Variants in ROR2 observed in about 807,000 individuals in gnomAD.
ROR2 encodes the protein tyrosine-protein kinase transmembrane receptor ROR2.
A neutral mutation model predicts 74.9 loss-of-function variants in ROR2; 33 were observed. The observed-to-expected ratio is 0.44, with a 90% confidence interval of 0.33 to 0.59. The LOEUF is 0.59. Ranked by LOEUF, ROR2 falls within the 20% of genes least tolerant of loss-of-function variation. The pLI is 0.02. For missense variants in ROR2, 1,216 were observed against 1,313.8 expected, an observed-to-expected ratio of 0.93 and a Z score of 1.15; for synonymous variants, 586 against 558.7, an observed-to-expected ratio of 1.05 and a Z score of -0.69.
intron 2 of ROR2, among the ~76,000 whole-genome samples, chr9:91,763,419 A>G (rs978668941): frequency 6.6e-6 from 1 of 152,212 alleles, no homozygotes; most frequent in Non-Finnish European, 1.5e-5. Context: ...TGCTTGAAAC[A>G]ATTTGTACTT....
chr9:91,806,766 T>C (rs536808734), intron 1 of ROR2, among the ~76,000 whole-genome samples: 3 of 152,242 alleles, frequency 2.0e-5, no homozygotes, highest in African/African-American at 7.2e-5. Context: ...ATTTTTTGTA[T>C]TTTTAGTAGA....
chr9:91,851,059 T>C (rs1808383935), intron 1 of ROR2, among the ~76,000 whole-genome samples: 1 of 152,154 alleles, frequency 6.6e-6, no homozygotes. Flanking sequence ...CTTAATAAAT[T>C]CCATAGATTC....
intron 4 of ROR2, among the ~76,000 whole-genome samples, chr9:91,755,084 G>A (rs1180572200): frequency 6.6e-6 from 1 of 152,186 alleles, no homozygotes; most frequent in African/African-American, 2.4e-5. Flanking sequence ...GAGCCCAGGA[G>A]TACAAGACTA....
intron 1 of ROR2, among the ~76,000 whole-genome samples, chr9:91,939,510 T>C (rs550021602): frequency 3.3e-5 from 5 of 152,326 alleles, no homozygotes; most frequent in South Asian, 2.1e-4. Context: ...ACTGCCTGAC[T>C]GTACCTTTTG....
chr9:91,856,411 T>A (rs1159036789), intron 1 of ROR2, among the ~76,000 whole-genome samples: 1 of 152,222 alleles, frequency 6.6e-6, no homozygotes, highest in Non-Finnish European at 1.5e-5. Context: ...TCCTCCAAAA[T>A]TCACAGGCTG....
At chr9:91,943,907 TAA>T (rs2118076222) in intron 1 of ROR2, among the ~76,000 whole-genome samples, 1 of 152,254 alleles carries the variant, frequency 6.6e-6, no homozygotes, top group East Asian at 1.9e-4. Flanking sequence ...CTCAACATAG[TAA>T]AAGCCATATA....
intron 1 of ROR2, among the ~76,000 whole-genome samples, chr9:91,912,984 C>T (rs373194166): frequency 2.2e-4 from 33 of 152,272 alleles, no homozygotes; most frequent in African/African-American, 7.9e-4. Context: ...CAAAAAGTAG[C>T]TGGGCGTGGT....
intron 4 of ROR2, among the ~76,000 whole-genome samples, chr9:91,738,330 T>A (rs1221940282): frequency 1.3e-5 from 2 of 152,138 alleles, no homozygotes; most frequent in Admixed American, 1.3e-4. Flanking sequence ...TTCAAAAAAT[T>A]CCACATCTTT....
chr9:91,811,424 G>A (rs1563976070), intron 1 of ROR2, among the ~76,000 whole-genome samples: 1 of 152,252 alleles, frequency 6.6e-6, no homozygotes, highest in Non-Finnish European at 1.5e-5. Context: ...TCTCTCTGAG[G>A]AAGGGGCTGT....
intron 1 of ROR2, among the ~76,000 whole-genome samples, chr9:91,842,202 T>TG (rs1474780513): frequency 6.6e-6 from 1 of 152,104 alleles, no homozygotes; most frequent in Non-Finnish European, 1.5e-5. Flanking sequence ...CTTCAAGAAA[T>TG]GGACAGCAGG....
intron 1 of ROR2, among the ~76,000 whole-genome samples, chr9:91,900,145 A>G (rs970204747): frequency 6.6e-6 from 1 of 152,194 alleles, no homozygotes; most frequent in African/African-American, 2.4e-5. Flanking sequence ...GGCTCCAGAT[A>G]AGCCTCCCTC....
At position 91,723,881 on chromosome 9, in the gene ROR2, T is replaced by G. The variant is rs751280391; in HGVS notation, c.2613A>C (p.Thr871=). 344 of 1,614,042 alleles carry G rather than the reference T, an allele frequency of 2.1e-4. No homozygotes were observed. Among genetic ancestry groups the G allele is most frequent in the Non-Finnish European group, 2.8e-4 (331 of 1,180,028 alleles). ...SHHSGSGSTS[T]GYVTTAPSNT... is the part of the protein sequence containing the mutation. Reference sequence around the variant, plus strand: ...TGGAGGGGGCCGTGGTGACGTAGCCTGTGCTGGTGGAGCCACTGCCACTGT... The same window carrying G: ...TGGAGGGGGCCGTGGTGACGTAGCCGGTGCTGGTGGAGCCACTGCCACTGT... The change falls in exon 9 of 9, where the codon ACA becomes ACC. Residue 871 remains threonine, a synonymous_variant. Transcript: ENST00000375708.
chr9:91,915,604 T>C (rs951896683), intron 1 of ROR2, among the ~76,000 whole-genome samples: 1 of 137,010 alleles, frequency 7.3e-6, no homozygotes, highest in Middle Eastern at 3.7e-3. Context: ...TCCACAGCCA[T>C]GGAAGGGAAC....
At chr9:91,802,185 TGCCTCAGTCTTCCA>T (rs1827409872) in intron 1 of ROR2, among the ~76,000 whole-genome samples, 1 of 149,200 alleles carries the variant, frequency 6.7e-6, no homozygotes, top group Non-Finnish European at 1.5e-5. Context: ...GCCATTCTCC[TGCCTCAGTCTTCCA>T]GGTAGCTGGG....
chr9:91,777,059 G>A (rs182184543), intron 1 of ROR2, among the ~76,000 whole-genome samples: 74 of 152,230 alleles, frequency 4.9e-4, no homozygotes, highest in Middle Eastern at 6.8e-3. Flanking sequence ...GTCCAATCAC[G>A]AGATCTTTAG....
rs796844212 is a variant in ROR2, at chr9:91,755,835, A to C, written c.494+236T>G. 3 of 606,624 alleles carry C rather than the reference A, an allele frequency of 4.9e-6. No individual in the cohort carries two copies. The African/African-American group carries it at 5.5e-5, about 11-fold the overall frequency. The allele number at this position is 606,624 out of a possible 1,614,324, so 37.6% of individuals were successfully genotyped here. ...TCTCAGTAGCCCTGTGTAAGGTCACAATCACAGAAAGAAATTAACCATTTT... is the reference window on the plus strand; with the variant it reads ...TCTCAGTAGCCCTGTGTAAGGTCACCATCACAGAAAGAAATTAACCATTTT... On this transcript the variant is annotated intron_variant, in intron 4 of 8. Coordinates refer to ENST00000375708, the MANE Select transcript of ROR2 (RefSeq NM_004560.4).
intron 1 of ROR2, among the ~76,000 whole-genome samples, chr9:91,907,473 G>A (rs1217636466): frequency 1.3e-5 from 2 of 152,142 alleles, no homozygotes; most frequent in East Asian, 3.8e-4. Context: ...ATATCAGCAC[G>A]TTAAACCCTA....
chr9:91,881,210 G>A (rs573227703), intron 1 of ROR2, among the ~76,000 whole-genome samples: 3 of 152,196 alleles, frequency 2.0e-5, no homozygotes, highest in African/African-American at 7.2e-5. Flanking sequence ...TCTGTTACAG[G>A]AAATGGCACT....
chr9:91,908,023 G>C (rs1468346665), intron 1 of ROR2, among the ~76,000 whole-genome samples: 3 of 152,224 alleles, frequency 2.0e-5, no homozygotes, highest in Admixed American at 2.0e-4. Context: ...TTGTGGGAAA[G>C]AACTTCCTTT....
Sources: allele counts gnomAD v4.1 joint callset (sites outside exome capture counted in the v4.1 genomes callset), GRCh38; gene constraint gnomAD v4.1.1; transcripts MANE v1.5; gene names NCBI Gene and HGNC (gene_info 2026-07-23, HGNC 2026-07-21).